Variants in TMEM117 observed in about 807,000 individuals in gnomAD.
The protein encoded by TMEM117 is transmembrane protein 117.
Under a neutral mutation model 52.4 loss-of-function variants are expected in TMEM117, and 27 were observed. The ratio of observed to expected loss-of-function variants is 0.51; its 90% CI spans 0.38 to 0.71. The LOEUF is 0.71. TMEM117 is among the 30% of genes least tolerant of loss of function. The pLI is 0.00. For synonymous variants in TMEM117, 215 were observed against 206.3 expected (o/e 1.04, Z -0.36); for missense variants, 556 against 630.5 (o/e 0.88, Z 1.26).
At chr12:44,282,418 G>A (rs1950589250) in intron 5 of TMEM117, among the ~76,000 whole-genome samples, 2 of 152,172 alleles carry the variant, frequency 1.3e-5, no homozygotes, top group South Asian at 4.1e-4. Flanking sequence ...GAATGGCTTT[G>A]CCCAAAATGC....
At position 44,388,471 on chromosome 12, in the gene TMEM117, C is replaced by G; in HGVS notation, c.1344C>G (p.Ile448Met). The change falls in exon 8 of 8, where the codon ATC (isoleucine) becomes ATG (methionine). Residue 448 changes from isoleucine to methionine, a missense_variant. Ile to Met is a conservative substitution (Grantham distance 10). Coordinates refer to ENST00000266534, the MANE Select transcript of TMEM117 (RefSeq NM_032256.3). ...CAGAACATAGCAAAGACATGGGAAT[C>G]ACTCGAGAAAACACCCAGGCTTCAG... ...SPSEHSKDMG[I>M]TRENTQASVE... 1 of 1,613,416 alleles carries G rather than the reference C, an allele frequency of 6.2e-7. No homozygotes were observed. Among genetic ancestry groups the G allele is most frequent in the Non-Finnish European group, 8.5e-7 (1 of 1,179,658 alleles).
chr12:44,340,529 G>A (rs995150735), intron 6 of TMEM117, among the ~76,000 whole-genome samples: 4 of 152,116 alleles, frequency 2.6e-5, no homozygotes, highest in East Asian at 1.9e-4. Context: ...TTTTCAGCCA[G>A]TCTCGAGCTA....
At chr12:44,378,804 G>A (rs1331916964) in intron 7 of TMEM117, among the ~76,000 whole-genome samples, 3 of 152,080 alleles carry the variant, frequency 2.0e-5, no homozygotes, top group African/African-American at 7.2e-5. Flanking sequence ...GTCTGGGTGA[G>A]GGCCAGAGAA....
At chr12:44,329,460 C>T (rs1951238596) in intron 6 of TMEM117, among the ~76,000 whole-genome samples, 1 of 152,084 alleles carries the variant, frequency 6.6e-6, no homozygotes, top group African/African-American at 2.4e-5. Context: ...GCTGTCTGTA[C>T]CGTATTTGGT....
intron 2 of TMEM117, among the ~76,000 whole-genome samples, chr12:43,900,141 T>A (rs1038637612): frequency 6.6e-6 from 1 of 152,204 alleles, no homozygotes; most frequent in South Asian, 2.1e-4. Context: ...CTGGTGGGAT[T>A]AGACCGCTGG....
intron 3 of TMEM117, among the ~76,000 whole-genome samples, chr12:44,049,596 G>A (rs1370552698): frequency 1.3e-5 from 2 of 149,898 alleles, no homozygotes; most frequent in East Asian, 3.9e-4. Context: ...CCCTATCTAT[G>A]CATTTATTTC....
chr12:44,369,202 G>A (rs947601684), intron 6 of TMEM117, among the ~76,000 whole-genome samples: 2 of 152,134 alleles, frequency 1.3e-5, no homozygotes, highest in African/African-American at 4.8e-5. Flanking sequence ...CTTATATTTT[G>A]TCCTTCATCA....
chr12:44,234,296 T>C (rs1295838756), intron 5 of TMEM117, among the ~76,000 whole-genome samples: 1 of 151,492 alleles, frequency 6.6e-6, no homozygotes, highest in Non-Finnish European at 1.5e-5. Flanking sequence ...TGATATATAG[T>C]CATATTCTAT....
intron 3 of TMEM117, among the ~76,000 whole-genome samples, chr12:44,057,332 G>T (rs1947071771): frequency 6.6e-6 from 1 of 152,138 alleles, no homozygotes; most frequent in South Asian, 2.1e-4. Flanking sequence ...TGCCCTTAAG[G>T]AACTTGTAGT....
chr12:44,206,446 G>T (rs1437776847), intron 4 of TMEM117, among the ~76,000 whole-genome samples: 1 of 152,150 alleles, frequency 6.6e-6, no homozygotes, highest in East Asian at 1.9e-4. Context: ...GCCAGATTTG[G>T]GGGCCTGTTC....
At chr12:44,051,020 T>A (rs556831421) in intron 3 of TMEM117, among the ~76,000 whole-genome samples, 1 of 152,354 alleles carries the variant, frequency 6.6e-6, no homozygotes, top group African/African-American at 2.4e-5. Flanking sequence ...TCCTTGGGAT[T>A]TGAGATAATT....
rs535294688 is a variant in TMEM117, at chr12:44,304,888, C to T, written c.768+5149C>T. On this transcript the variant is annotated intron_variant, in intron 6 of 7. Coordinates refer to ENST00000266534, the MANE Select transcript of TMEM117 (RefSeq NM_032256.3). Reference sequence around the variant, plus strand: ...TCAGGTGAAACCCAAACATCCCCACCTGTGGTGGCCATGGCGAGATATTCC... The same window carrying T: ...TCAGGTGAAACCCAAACATCCCCACTTGTGGTGGCCATGGCGAGATATTCC... Among the ~76,000 whole-genome samples, 6 of 152,316 alleles carry T rather than the reference C, an allele frequency of 3.9e-5. No individual in the cohort carries two copies. In the South Asian group the frequency reaches 8.3e-4, roughly 21 times the overall value.
At chr12:44,053,752 G>T (rs1947010727) in intron 3 of TMEM117, among the ~76,000 whole-genome samples, 2 of 152,182 alleles carry the variant, frequency 1.3e-5, no homozygotes, top group South Asian at 4.1e-4. Flanking sequence ...GAAACACTGT[G>T]CCAAGAACTC....
intron 3 of TMEM117, among the ~76,000 whole-genome samples, chr12:44,126,133 T>C (rs868736675): frequency 6.6e-6 from 1 of 152,178 alleles, no homozygotes; most frequent in Admixed American, 6.5e-5. Context: ...GTTTTAGTTC[T>C]AATTATGTAT....
intron 5 of TMEM117, among the ~76,000 whole-genome samples, chr12:44,296,218 T>C (rs759379897): frequency 7.9e-5 from 12 of 152,152 alleles, no homozygotes; most frequent in Non-Finnish European, 1.8e-4. Flanking sequence ...TTACCAGGTA[T>C]ACTATTCGGT....
chr12:43,942,314 A>G (rs1234564255), intron 2 of TMEM117, among the ~76,000 whole-genome samples: 2 of 152,158 alleles, frequency 1.3e-5, no homozygotes, highest in African/African-American at 4.8e-5. Context: ...TATAGTGTAA[A>G]ATATTTGTAG....
In TMEM117 at chr12:44,367,544, C is replaced by T. The variant is rs549062316; in HGVS notation, c.769-9051C>T. On this transcript the variant is annotated intron_variant, in intron 6 of 7. Transcript: ENST00000266534. Reference sequence around the variant, plus strand: ...CTTATAAATGAGGGAGTGCCTCAGTCAGTCCCTGGCCTCTTTTCTTGGCTT... The same window carrying T: ...CTTATAAATGAGGGAGTGCCTCAGTTAGTCCCTGGCCTCTTTTCTTGGCTT... Among the ~76,000 whole-genome samples, 3 of 152,160 alleles carry T rather than the reference C, an allele frequency of 2.0e-5. No homozygotes were observed. In the East Asian group the frequency reaches 5.8e-4, roughly 29 times the overall value.
rs201056358 is a variant in TMEM117, at chr12:43,896,470, G to A, written c.278-47740G>A. Among the ~76,000 whole-genome samples the A allele has an allele frequency of 1.3e-4, 20 of 152,228 alleles. No homozygotes were observed. The East Asian group carries it at 3.9e-3, about 29-fold the overall frequency. Reference sequence around the variant, plus strand: ...GTTCATAGTTTGTTGTTATGTGGTTGTCCTCAACTTGCTTTGTCTCCTACT... The same window carrying A: ...GTTCATAGTTTGTTGTTATGTGGTTATCCTCAACTTGCTTTGTCTCCTACT... On this transcript the variant is annotated intron_variant, in intron 2 of 7. Coordinates refer to ENST00000266534, the MANE Select transcript of TMEM117 (RefSeq NM_032256.3).
chr12:43,851,746 G>A (rs996323128), intron 2 of TMEM117, among the ~76,000 whole-genome samples: 7 of 152,198 alleles, frequency 4.6e-5, no homozygotes, highest in African/African-American at 1.4e-4. Context: ...TCAAAACCTT[G>A]CTTGGTTTTG....
Sources: gnomAD v4.1 joint callset for allele counts (sites outside exome capture counted in the v4.1 genomes callset) on GRCh38, gnomAD v4.1.1 for gene constraint, MANE v1.5 for transcripts, NCBI Gene and HGNC (gene_info 2026-07-23, HGNC 2026-07-21) for gene names.